Variants in NCKAP5 observed in about 807,000 individuals in gnomAD.
NCKAP5 encodes the protein NCK associated protein 5.
NCKAP5 carries 92 observed loss-of-function variants against 167.0 expected under a neutral mutation model. The observed-to-expected ratio is 0.55, with a 90% CI of 0.47 to 0.66. NCKAP5 has a LOEUF of 0.66. NCKAP5 is among the 30% of genes least tolerant of loss of function. The probability of loss-of-function intolerance (pLI) is 0.00; values close to 1 mark genes in which losing one functional copy is unlikely to be tolerated. For missense variants in NCKAP5, 2,378 were observed against 2,315.0 expected, an observed-to-expected ratio of 1.03 and a Z score of -0.56; for synonymous variants, 891 against 877.4, an observed-to-expected ratio of 1.02 and a Z score of -0.27.
chr2:132,897,600 A>C (rs992108690), intron 8 of NCKAP5, among the ~76,000 whole-genome samples: 3 of 152,134 alleles, frequency 2.0e-5, no homozygotes, highest in Admixed American at 2.0e-4. Context: ...TCTACCCACT[A>C]TCTACAGACA....
intron 4 of NCKAP5, among the ~76,000 whole-genome samples, chr2:133,252,828 A>C (rs1212735725): frequency 6.6e-6 from 1 of 152,202 alleles, no homozygotes; most frequent in Non-Finnish European, 1.5e-5. Flanking sequence ...TTCATGACTT[A>C]CTTGCAACTG....
intron 3 of NCKAP5, among the ~76,000 whole-genome samples, chr2:133,407,439 A>G (rs1688505617): frequency 6.6e-6 from 1 of 152,146 alleles, no homozygotes; most frequent in Admixed American, 6.5e-5. Context: ...ACAGCATTCA[A>G]AGCAATTTGG....
intron 3 of NCKAP5, among the ~76,000 whole-genome samples, chr2:133,334,532 A>G (rs985516827): frequency 6.6e-6 from 1 of 152,168 alleles, no homozygotes; most frequent in African/African-American, 2.4e-5. Flanking sequence ...CCATTGGCAA[A>G]GTGGAGATTC....
At chr2:132,881,554 C>CTTTTTTTT (rs35545031) in intron 8 of NCKAP5, among the ~76,000 whole-genome samples, 2 of 126,388 alleles carry the variant, frequency 1.6e-5, no homozygotes, top group Non-Finnish European at 1.6e-5. Context: ...CCTTACCTTT[C>CTTTTTTTT]TTTTTTTTTT....
chr2:132,930,469 G>A (rs1696283655), intron 8 of NCKAP5: 1 of 152,266 alleles, frequency 6.6e-6, no homozygotes. Flanking sequence ...GTGCAGAAAA[G>A]GTAAAAAGGT....
chr2:133,089,288 G>A (rs188172172), intron 6 of NCKAP5, among the ~76,000 whole-genome samples: 62 of 152,298 alleles, frequency 4.1e-4, no homozygotes, highest in African/African-American at 1.4e-3. Flanking sequence ...AATGTGACAA[G>A]TACTTCATGT....
At position 133,182,915 on chromosome 2, in the gene NCKAP5, A is replaced by G. The variant is rs955391054; in HGVS notation, c.207+30801T>C. 4.6e-5 allele frequency among the ~76,000 whole-genome samples: 7 copies of G among 152,042 alleles called. 1 individual carries two copies. The highest frequency in any genetic ancestry group is 1.7e-4 in the African/African-American group (7 of 41,358). ...GACACAAATTACCAATAGTAGGAAGAAAACAGGAGCTATCACTACAGACAC... is the reference window on the plus strand; with the variant it reads ...GACACAAATTACCAATAGTAGGAAGGAAACAGGAGCTATCACTACAGACAC... On this transcript the variant is annotated intron_variant, in intron 5 of 19. Transcript: ENST00000409261.
chr2:133,298,482 A>G (rs1365659558), intron 4 of NCKAP5, among the ~76,000 whole-genome samples: 1 of 152,206 alleles, frequency 6.6e-6, no homozygotes, highest in East Asian at 1.9e-4. Flanking sequence ...CATGCCTGAA[A>G]TGGAATTTTA....
At chr2:133,061,731 A>G (rs575981461) in intron 6 of NCKAP5, among the ~76,000 whole-genome samples, 1 of 152,330 alleles carries the variant, frequency 6.6e-6, no homozygotes, top group South Asian at 2.1e-4. Flanking sequence ...AAAGAAAGAT[A>G]CAATTTCAGA....
the NCKAP5 span, among the ~76,000 whole-genome samples, chr2:133,668,216 A>G: frequency 6.6e-6 from 1 of 152,010 alleles, no homozygotes; most frequent in African/African-American, 2.4e-5. Flanking sequence ...ACTTCTGGGA[A>G]AGTATGCATA....
intron 2 of NCKAP5, among the ~76,000 whole-genome samples, chr2:133,557,592 A>G (rs183017792): frequency 6.6e-6 from 1 of 152,384 alleles, no homozygotes; most frequent in East Asian, 1.9e-4. Context: ...TTATAAGATC[A>G]TACAAAACAT....
At chr2:133,465,875 ATTTG>A (rs1310451133) in intron 3 of NCKAP5, among the ~76,000 whole-genome samples, 1 of 144,516 alleles carries the variant, frequency 6.9e-6, no homozygotes, top group African/African-American at 2.6e-5. Context: ...TTTCTTGTAA[ATTTG>A]TTTGAGTTCA....
In NCKAP5 at chr2:133,524,199, T is replaced by G. The variant is rs530002317; in HGVS notation, c.-61-6612A>C. Among the ~76,000 whole-genome samples the G allele has an allele frequency of 1.1e-4, 17 of 152,258 alleles. No homozygotes were observed. The South Asian group carries it at 2.7e-3, about 24-fold the overall frequency. ...TCAATGGAACACCAGTTTAGGAAGGTGAAGATGTCAGTCTTTTCTTGATCT... is the reference window on the plus strand; with the variant it reads ...TCAATGGAACACCAGTTTAGGAAGGGGAAGATGTCAGTCTTTTCTTGATCT... On this transcript the variant is annotated intron_variant, in intron 2 of 19. Transcript: ENST00000409261.
At chr2:133,023,656 A>T (rs2078604299) in intron 6 of NCKAP5, among the ~76,000 whole-genome samples, 1 of 152,114 alleles carries the variant, frequency 6.6e-6, no homozygotes, top group South Asian at 2.1e-4. Context: ...GTGTCCATGT[A>T]TACGTAGTGC....
intron 2 of NCKAP5, among the ~76,000 whole-genome samples, chr2:133,528,059 T>C (rs1685068250): frequency 6.6e-6 from 1 of 151,998 alleles, no homozygotes; most frequent in Non-Finnish European, 1.5e-5. Flanking sequence ...TAAGTCCCTG[T>C]CTCAAAAAAC....
At chr2:132,988,991 C>G (rs766708345) in intron 7 of NCKAP5, among the ~76,000 whole-genome samples, 1 of 152,160 alleles carries the variant, frequency 6.6e-6, no homozygotes, top group Non-Finnish European at 1.5e-5. Flanking sequence ...CCTTTTCCCC[C>G]CAGTTACCAT....
rs58608850 is a variant in NCKAP5, at chr2:132,920,803, A to G, written c.580-41887T>C. Among the ~76,000 whole-genome samples the G allele has an allele frequency of 1.4e-3, 157 of 110,690 alleles. 16 individuals are homozygous for G. The highest frequency in any genetic ancestry group is 5.0e-3 in the African/African-American group (141 of 28,134). 72.6% of individuals were successfully genotyped at this position (110,690 alleles called of 152,430 possible). A position where few individuals can be genotyped will look rare whatever the true frequency, so the allele number is the denominator to read the frequency against. ...TATATATATATATATATATATATAT[A>G]TATATATATATATATGGAAGAACTA... On this transcript the variant is annotated intron_variant, in intron 8 of 19. Transcript: ENST00000409261.
At chr2:133,575,039 T>C in the NCKAP5 span, among the ~76,000 whole-genome samples, 2 of 152,204 alleles carry the variant, frequency 1.3e-5, no homozygotes, top group Non-Finnish European at 2.9e-5. Context: ...CCACAGCGCA[T>C]GTTTACTCTT....
intron 2 of NCKAP5, among the ~76,000 whole-genome samples, chr2:133,555,733 T>C (rs1458839969): frequency 6.6e-6 from 1 of 152,230 alleles, no homozygotes; most frequent in African/African-American, 2.4e-5. Context: ...AGATCTGAGA[T>C]ACTCTATTAT....
Sources: allele counts gnomAD v4.1 joint callset (sites outside exome capture counted in the v4.1 genomes callset), GRCh38; gene constraint gnomAD v4.1.1; transcripts MANE v1.5; gene names NCBI Gene and HGNC (gene_info 2026-07-23, HGNC 2026-07-21).